ACACA: variants seen among roughly 807,000 people sequenced by gnomAD.
ACACA encodes the protein acetyl-CoA carboxylase 1.
In ACACA, 103 loss-of-function variants were observed where a neutral mutation model predicts 296.1. The observed-to-expected ratio is 0.35, with a 90% CI of 0.30 to 0.41. ACACA has a LOEUF of 0.41. Among genes scored for constraint, ACACA ranks in the 10% least tolerant of loss-of-function variants. The pLI, the probability that ACACA is intolerant of heterozygous loss-of-function variation, is 1.00. For synonymous variants in ACACA, 953 were observed against 1,038.6 expected (o/e 0.92, Z 1.58); for missense variants, 1,554 against 2,989.7 (o/e 0.52, Z 11.20).
chr17:37,286,206 T>G (rs1256530685), intron 3 of ACACA, among the ~76,000 whole-genome samples: 1 of 152,166 alleles, frequency 6.6e-6, no homozygotes, highest in Non-Finnish European at 1.5e-5. Context: ...ACTGTATTTT[T>G]TCTTAGTGGT....
intron 1 of ACACA, chr17:37,358,888 CG>C: frequency 1.1e-6 from 1 of 948,624 alleles, no homozygotes; most frequent in Non-Finnish European, 1.3e-6. Flanking sequence ...GCCCAGGCCG[CG>C]TGCGGGTGAG....
At chr17:37,262,686 G>C (rs1250104136) in intron 11 of ACACA, among the ~76,000 whole-genome samples, 1 of 152,108 alleles carries the variant, frequency 6.6e-6, no homozygotes, top group Non-Finnish European at 1.5e-5. Flanking sequence ...TATGATGAAA[G>C]AGAAATAGAA....
At chr17:37,185,366 G>A (rs1229319753) in intron 39 of ACACA, among the ~76,000 whole-genome samples, 8 of 147,014 alleles carry the variant, frequency 5.4e-5, no homozygotes, top group African/African-American at 1.5e-4. Flanking sequence ...CTGAGTAGTT[G>A]GTACTACAGG....
chr17:37,177,067 T>G (rs977769620), intron 41 of ACACA, among the ~76,000 whole-genome samples: 2 of 152,094 alleles, frequency 1.3e-5, no homozygotes, highest in Non-Finnish European at 2.9e-5. Flanking sequence ...TGACAAAAAC[T>G]CAAAATCTTT....
In ACACA at chr17:37,309,538, G is replaced by T. The variant is rs528111492; in HGVS notation, c.338+20635C>A. ...AACAATAGAGCCTCTTTGGGGAAAT[G>T]ATATTTGATCTGAAACCTAAAGGAT... On this transcript the variant is annotated intron_variant, in intron 3 of 55. Transcript: ENST00000616317. Among the ~76,000 whole-genome samples, 6 of 152,268 alleles carry T rather than the reference G, an allele frequency of 3.9e-5. No individual in the cohort carries two copies. The South Asian group carries it at 1.2e-3, about 32-fold the overall frequency.
Position 37,122,516 on chromosome 17 carries a change from C to G in ACACA, c.6138+15G>C. 1.2e-6 allele frequency: 2 copies of G among 1,610,350 alleles called. No individual in the cohort carries two copies. Among genetic ancestry groups the G allele is most frequent in the Non-Finnish European group, 8.5e-7 (1 of 1,176,542 alleles). On this transcript the variant is annotated intron_variant, in intron 49 of 55. Transcript: ENST00000616317. ...CCCTCCAAGCACAGCCCCCAGTGTACTTGAGGTGGCCTACCTTGGCTTCAG... is the reference window on the plus strand; with the variant it reads ...CCCTCCAAGCACAGCCCCCAGTGTAGTTGAGGTGGCCTACCTTGGCTTCAG...
chr17:37,147,182 T>G (rs1252653667), intron 45 of ACACA, among the ~76,000 whole-genome samples: 1 of 152,066 alleles, frequency 6.6e-6, no homozygotes, highest in Admixed American at 6.6e-5. Context: ...AGCTTGCATG[T>G]CTCCTACATT....
chr17:37,381,767 A>G (rs889511113), intron 1 of ACACA, among the ~76,000 whole-genome samples: 24 of 151,408 alleles, frequency 1.6e-4, no homozygotes, highest in Admixed American at 7.3e-4. Flanking sequence ...AGCTGGGACT[A>G]CAGGCACTCG....
chr17:37,390,175 T>TATATATATATACACAC (rs60788220), intron 1 of ACACA, among the ~76,000 whole-genome samples: 26 of 44,490 alleles, frequency 5.8e-4, no homozygotes, highest in East Asian at 1.3e-3. Context: ...TATATATATA[T>TATATATATATACACAC]ACACACACAC....
At chr17:37,269,887 T>C (rs1304699036) in intron 10 of ACACA, among the ~76,000 whole-genome samples, 9 of 152,044 alleles carry the variant, frequency 5.9e-5, no homozygotes, top group Non-Finnish European at 1.2e-4. Context: ...CAGACTTCTG[T>C]CCCAATTTTC....
chr17:37,378,036 A>C, intron 1 of ACACA: 77 of 1,339,152 alleles, frequency 5.7e-5, no homozygotes, highest in Non-Finnish European at 7.5e-5. Context: ...AAGATATCTC[A>C]TCTTCCCACT....
intron 52 of ACACA, among the ~76,000 whole-genome samples, chr17:37,108,751 C>T (rs773569103): frequency 3.3e-5 from 5 of 152,130 alleles, no homozygotes; most frequent in Non-Finnish European, 2.9e-5. Flanking sequence ...TCTGTGAGCA[C>T]GCTCCCCAGT....
chr17:37,087,093 G>T lies in ACACA; in HGVS notation c.*223C>A. The T allele has an allele frequency of 3.1e-6, 2 of 642,734 alleles. No homozygotes were observed. Among genetic ancestry groups the T allele is most frequent in the Non-Finnish European group, 5.5e-6 (2 of 362,850 alleles). The allele number at this position is 642,734 out of a possible 1,614,324, so 39.8% of individuals were successfully genotyped here. ...GAGTGGAGGACTAGGCCTGGCCAGG[G>T]TAATAAATACTGAATGGGGTAGGTG... On this transcript the variant is annotated 3_prime_UTR_variant, in exon 56 of 56. Coordinates refer to ENST00000616317, the MANE Select transcript of ACACA (RefSeq NM_198834.3).
At chr17:37,326,815 C>T (rs189373962) in intron 3 of ACACA, among the ~76,000 whole-genome samples, 87 of 150,940 alleles carry the variant, frequency 5.8e-4, no homozygotes, top group Non-Finnish European at 9.0e-4. Context: ...GGCGACAGAG[C>T]GAGTCTCCCT....
chr17:37,249,898 T>A (rs1184279731), intron 16 of ACACA, among the ~76,000 whole-genome samples: 3 of 152,166 alleles, frequency 2.0e-5, no homozygotes, highest in African/African-American at 7.2e-5. Flanking sequence ...ATGGGGGCGG[T>A]TCCCCCATAC....
chr17:37,359,224 T>G (rs1208576001), intron 1 of ACACA: 1 of 832,814 alleles, frequency 1.2e-6, no homozygotes, highest in Non-Finnish European at 1.4e-6. Context: ...ACGTCCGGGG[T>G]TACTCCAGGC....
At chr17:37,353,014 G>A (rs908696337) in intron 1 of ACACA, among the ~76,000 whole-genome samples, 1 of 152,112 alleles carries the variant, frequency 6.6e-6, no homozygotes, top group East Asian at 1.9e-4. Flanking sequence ...ACTTTCAAAC[G>A]TACATCAGAT....
chr17:37,200,626 G>T (rs2078206476), intron 33 of ACACA, 143 bp from the exon 34 acceptor site: 5 of 753,476 alleles, frequency 6.6e-6, no homozygotes, highest in Non-Finnish European at 1.2e-5. Context: ...CTTCAAACTT[G>T]CAAGTGAACA....
chr17:37,276,103 G>C (rs1445289051), intron 7 of ACACA, 54 bp from the exon 8 acceptor site: 18 of 1,351,172 alleles, frequency 1.3e-5, no homozygotes, highest in Non-Finnish European at 1.8e-5. Context: ...CCTCATTTCT[G>C]GCACATGTAG....
Sources: gnomAD v4.1 joint callset for allele counts (sites outside exome capture counted in the v4.1 genomes callset) on GRCh38, gnomAD v4.1.1 for gene constraint, MANE v1.5 for transcripts, NCBI Gene and HGNC (gene_info 2026-07-23, HGNC 2026-07-21) for gene names.